Variants in RTN3 observed in about 807,000 individuals in gnomAD.
RTN3 encodes reticulon 3.
Under a neutral mutation model 77.8 loss-of-function variants are expected in RTN3, and 49 were observed. That is an observed-to-expected ratio of 0.63 (90% CI 0.50 to 0.80). The LOEUF (loss-of-function observed/expected upper bound fraction) is 0.80. Ranked by LOEUF, RTN3 falls within the 30% of genes least tolerant of loss-of-function variation. The probability of loss-of-function intolerance (pLI) is 0.00; values close to 1 mark genes in which losing one functional copy is unlikely to be tolerated. For synonymous variants in RTN3, 464 were observed against 446.9 expected (o/e 1.04, Z -0.48); for missense variants, 1,236 against 1,211.9 (o/e 1.02, Z -0.29).
intron 7 of RTN3, 66 bp from the exon 8 acceptor site, chr11:63,756,046 C>T: frequency 9.4e-7 from 1 of 1,068,238 alleles, no homozygotes; most frequent in Non-Finnish European, 1.5e-6. Context: ...GACAAAAGAG[C>T]CGTGCCTTCA....
rs1263725005 is a variant in RTN3 at position 63,684,140 on chromosome 11, T to G, written c.142+2362T>G. Among the ~76,000 whole-genome samples, 3 of 125,822 alleles carry G rather than the reference T, an allele frequency of 2.4e-5. 1 individual carries two copies. Among genetic ancestry groups the G allele is most frequent in the South Asian group, 5.1e-4 (2 of 3,948 alleles). The allele number at this position is 125,822 out of a possible 152,430, so 82.5% of individuals were successfully genotyped here. On this transcript the variant is annotated intron_variant, in intron 1 of 8. Coordinates refer to ENST00000377819, the MANE Select transcript of RTN3 (RefSeq NM_001265589.2). ...TTAATTTTCTTTTGGTTTTTTTTTT[T>G]TTTTTTTTTTTTTTGGTTTTTTTTT...
At chr11:63,696,864 TC>T in intron 1 of RTN3, among the ~76,000 whole-genome samples, 1 of 59,944 alleles carries the variant, frequency 1.7e-5, no homozygotes, top group Non-Finnish European at 3.2e-5. Context: ...CTATTTTCTT[TC>T]TTTCTTTCTT....
chr11:63,687,965 A>G (rs1032683993), intron 1 of RTN3, among the ~76,000 whole-genome samples: 1 of 152,234 alleles, frequency 6.6e-6, no homozygotes, highest in South Asian at 2.1e-4. Flanking sequence ...TAAAGCTGCC[A>G]CCCGCTTCCA....
At chr11:63,732,254 G>C (rs1329467687) in intron 3 of RTN3, among the ~76,000 whole-genome samples, 1 of 152,032 alleles carries the variant, frequency 6.6e-6, no homozygotes, top group Non-Finnish European at 1.5e-5. Flanking sequence ...AAACTCCTGG[G>C]CTTCAGCGAT....
intron 1 of RTN3, among the ~76,000 whole-genome samples, chr11:63,704,507 T>A (rs539412612): frequency 6.6e-6 from 1 of 152,292 alleles, no homozygotes; most frequent in East Asian, 1.9e-4. Flanking sequence ...CAGATACTTA[T>A]TTTCCCCTTC....
intron 2 of RTN3, among the ~76,000 whole-genome samples, chr11:63,716,509 G>C (rs2011405797): frequency 6.6e-6 from 1 of 152,188 alleles, no homozygotes; most frequent in Non-Finnish European, 1.5e-5. Flanking sequence ...CTTTGTCCCA[G>C]CTCCAAAGAT....
intron 4 of RTN3, among the ~76,000 whole-genome samples, chr11:63,751,532 C>T (rs895984525): frequency 1.3e-5 from 2 of 152,216 alleles, no homozygotes; most frequent in African/African-American, 2.4e-5. Context: ...TTGACTTTAA[C>T]GTGAGCAAAT....
In RTN3 at chr11:63,718,959, T is replaced by A. The variant is rs1412308129; in HGVS notation, c.457T>A (p.Cys153Ser). 1 of 1,614,206 alleles carries A rather than the reference T, an allele frequency of 6.2e-7. No individual in the cohort carries two copies. The highest frequency in any genetic ancestry group is 1.7e-5 in the Admixed American group (1 of 60,018). Residue 153 changes from cysteine (C) to serine (S), a missense_variant, in exon 3 of 9, where the codon TGT (cysteine) becomes AGT (serine). Around this residue, in one of 3 missense-constraint regions of RTN3, gnomAD observed 1,056 missense variants for 990.4 expected, o/e 1.07. Coordinates refer to ENST00000377819, the MANE Select transcript of RTN3 (RefSeq NM_001265589.2). Reference sequence around the variant, plus strand: ...AGTTTCTCTTGCAGCAGGAGTTCATTGTGACCGTCCTTCTATTCCAGCCAG... The same window carrying A: ...AGTTTCTCTTGCAGCAGGAGTTCATAGTGACCGTCCTTCTATTCCAGCCAG... The part of the protein sequence containing the change: ...SSVSLAAGVH[C>S]DRPSIPASFP...
At chr11:63,714,322 A>G (rs2011272004) in intron 2 of RTN3, 2 of 319,660 alleles carry the variant, frequency 6.3e-6, no homozygotes, top group Non-Finnish European at 1.2e-5. Flanking sequence ...TCTCACAATC[A>G]CTGAGAAATG....
intron 2 of RTN3, among the ~76,000 whole-genome samples, chr11:63,711,530 C>T (rs373339523): frequency 6.6e-6 from 1 of 151,870 alleles, no homozygotes; most frequent in Non-Finnish European, 1.5e-5. Flanking sequence ...GCTGGAACCA[C>T]AGGCGTGTGC....
rs1001581235 is a variant in RTN3 at position 63,704,848 on chromosome 11, C to G, written c.143-3C>G. 1.2e-6 allele frequency: 2 copies of G among 1,605,332 alleles called. No homozygotes were observed. The highest frequency in any genetic ancestry group is 2.7e-5 in the African/African-American group (2 of 74,716). Reference sequence around the variant, plus strand: ...TATTCTCATGCTGTATATTTTCTTTCAGATTCCTTTGTTTCTTCCTCTTCC... The same window carrying G: ...TATTCTCATGCTGTATATTTTCTTTGAGATTCCTTTGTTTCTTCCTCTTCC... On this transcript the variant is annotated splice_region_variant and splice_polypyrimidine_tract_variant and intron_variant, in intron 1 of 8. Transcript: ENST00000377819.
intron 1 of RTN3, among the ~76,000 whole-genome samples, chr11:63,696,175 G>A (rs1941931043): frequency 6.6e-6 from 1 of 151,890 alleles, no homozygotes; most frequent in African/African-American, 2.4e-5. Flanking sequence ...TAGCACTTTG[G>A]GAGGCTTAGG....
intron 1 of RTN3, among the ~76,000 whole-genome samples, chr11:63,682,547 C>G (rs1941116233): frequency 6.6e-6 from 1 of 150,758 alleles, no homozygotes; most frequent in African/African-American, 2.4e-5. Context: ...CGCTTATATT[C>G]TAGAAAATAG....
chr11:63,732,253 G>C (rs1187737123), intron 3 of RTN3, among the ~76,000 whole-genome samples: 1 of 151,902 alleles, frequency 6.6e-6, no homozygotes, highest in African/African-American at 2.4e-5. Flanking sequence ...CAAACTCCTG[G>C]GCTTCAGCGA....
At chr11:63,738,118 A>G (rs529087643) in intron 3 of RTN3, among the ~76,000 whole-genome samples, 2 of 152,340 alleles carry the variant, frequency 1.3e-5, no homozygotes, top group Admixed American at 1.3e-4. Flanking sequence ...AAAAGAAATA[A>G]TCTGTGTAAA....
At chr11:63,753,609 G>A (rs964993977) in intron 6 of RTN3, 53 bp from the exon 7 acceptor site, 28 of 1,480,990 alleles carry the variant, frequency 1.9e-5, no homozygotes, top group Middle Eastern at 1.7e-4. Context: ...TGAGTCTTAA[G>A]ATGTGACTGT....
intron 3 of RTN3, among the ~76,000 whole-genome samples, chr11:63,723,057 C>T (rs148623147): frequency 8.5e-5 from 13 of 152,232 alleles, no homozygotes; most frequent in African/African-American, 3.1e-4. Context: ...TTATTTTGCC[C>T]TGCTTTGTAT....
chr11:63,681,488 G>C, upstream of RTN3: 3 of 807,016 alleles, frequency 3.7e-6, no homozygotes, highest in Non-Finnish European at 5.3e-6. Context: ...GCTGCGCTCG[G>C]CTGAGTCAGT....
chr11:63,744,512 T>C (rs2013682315), intron 3 of RTN3, among the ~76,000 whole-genome samples: 1 of 152,148 alleles, frequency 6.6e-6, no homozygotes, highest in South Asian at 2.1e-4. Context: ...TATTGGATAC[T>C]GTAGGCAGTG....
Sources: allele counts gnomAD v4.1 joint callset (sites outside exome capture counted in the v4.1 genomes callset), GRCh38; gene constraint gnomAD v4.1.1; regional missense constraint gnomAD v4.1.1; transcripts MANE v1.5; gene names NCBI Gene and HGNC (gene_info 2026-07-23, HGNC 2026-07-21).